HMG20A: variants seen among roughly 807,000 people sequenced by gnomAD.
HMG20A encodes high mobility group protein 20A.
Under a neutral mutation model 43.9 loss-of-function variants are expected in HMG20A, and 17 were observed. That is an observed-to-expected ratio of 0.39 (90% CI 0.27 to 0.58). HMG20A has a LOEUF of 0.58. HMG20A is among the 20% of genes least tolerant of loss of function. The probability of loss-of-function intolerance (pLI) is 0.59; values close to 1 mark genes in which losing one functional copy is unlikely to be tolerated. For missense variants in HMG20A, 341 were observed against 438.2 expected (o/e 0.78, Z 1.98); for synonymous variants, 132 against 147.5 (o/e 0.89, Z 0.76).
intron 1 of HMG20A, among the ~76,000 whole-genome samples, chr15:77,425,935 G>C (rs754803218): frequency 2.0e-5 from 3 of 152,142 alleles, no homozygotes; most frequent in African/African-American, 7.2e-5. Flanking sequence ...ATATTATTCA[G>C]CAACAAAGAG....
At chr15:77,477,483 A>G (rs1378337932) in intron 6 of HMG20A, 72 bp from the exon 7 acceptor site, 11 of 1,054,016 alleles carry the variant, frequency 1.0e-5, no homozygotes, top group South Asian at 1.4e-5. Flanking sequence ...AGACATGATC[A>G]TTGTCTTCAG....
chr15:77,471,227 A>G (rs760848450), intron 5 of HMG20A, among the ~76,000 whole-genome samples, 185 bp downstream of exon 5: 6 of 152,112 alleles, frequency 3.9e-5, no homozygotes, highest in African/African-American at 4.8e-5. Flanking sequence ...AGAAATTTCA[A>G]CTGGGTTTCC....
chr15:77,422,473 G>C (rs1359521617), intron 1 of HMG20A, among the ~76,000 whole-genome samples: 1 of 152,096 alleles, frequency 6.6e-6, no homozygotes, highest in Non-Finnish European at 1.5e-5. Flanking sequence ...AAAATTAGCT[G>C]GGCGTGGTGG....
At position 77,424,992 on chromosome 15, in the gene HMG20A, A is replaced by ATT. The variant is rs76407319; in HGVS notation, c.-5+3996_-5+3997dup. Among the ~76,000 whole-genome samples the ATT allele has an allele frequency of 1.1e-4, 17 of 151,150 alleles. No homozygotes were observed. In the East Asian group the frequency reaches 2.5e-3, roughly 22 times the overall value. On this transcript the variant is annotated intron_variant, in intron 1 of 9. Coordinates refer to ENST00000336216, the MANE Select transcript of HMG20A (RefSeq NM_001304504.2). ...AATCTGTACTGCACCCAGCATTAAT[A>ATT]TTTTTTTTTGCTCATGCTATTTTCT...
chr15:77,516,684 C>A, the HMG20A span, among the ~76,000 whole-genome samples: 1 of 152,058 alleles, frequency 6.6e-6, no homozygotes, highest in African/African-American at 2.4e-5. Flanking sequence ...CTGAACTCCA[C>A]CCCGAGGCTT....
At chr15:77,512,379 T>C in the HMG20A span, among the ~76,000 whole-genome samples, 1 of 152,044 alleles carries the variant, frequency 6.6e-6, no homozygotes, top group Non-Finnish European at 1.5e-5. Flanking sequence ...AATGGTACAC[T>C]AAAGCTGTTA....
chr15:77,441,762 C>T (rs2073615445), intron 1 of HMG20A, among the ~76,000 whole-genome samples: 1 of 152,102 alleles, frequency 6.6e-6, no homozygotes, highest in Non-Finnish European at 1.5e-5. Flanking sequence ...TCATAGCTCA[C>T]ATTACTACAT....
At chr15:77,497,655 T>TAGAGAGAGAGAGAGAGAG in the HMG20A span, among the ~76,000 whole-genome samples, 36 of 128,020 alleles carry the variant, frequency 2.8e-4, no homozygotes, top group African/African-American at 1.2e-3. Flanking sequence ...GAGATATTAA[T>TAGAGAGAGAGAGAGAGAG]AGAGAGAGAG....
Position 77,435,617 on chromosome 15 carries a change from C to T in HMG20A, c.-5+14613C>T, listed in dbSNP as rs575312293. On this transcript the variant is annotated intron_variant, in intron 1 of 9. Transcript: ENST00000336216. ...CCATTTGTTTTGTACTTTAAGTTTA[C>T]TTAAACCCTCCACTCCCTCAATGAC... 2.0e-4 allele frequency among the ~76,000 whole-genome samples: 30 copies of T among 152,240 alleles called. No homozygotes were observed. In the East Asian group the frequency reaches 3.5e-3, roughly 18 times the overall value.
the HMG20A span, among the ~76,000 whole-genome samples, chr15:77,514,786 G>A: frequency 2.6e-5 from 4 of 152,238 alleles, no homozygotes; most frequent in African/African-American, 4.8e-5. Context: ...TACAGAGGGC[G>A]CAGCAGCTTA....
chr15:77,487,979 A>G (rs999432444), downstream of HMG20A, among the ~76,000 whole-genome samples: 5 of 152,236 alleles, frequency 3.3e-5, no homozygotes, highest in Non-Finnish European at 7.3e-5. Context: ...TCACAAGACT[A>G]TGTGTCTACA....
chr15:77,495,630 A>AT, the HMG20A span, among the ~76,000 whole-genome samples: 139 of 152,332 alleles, frequency 9.1e-4, no homozygotes, highest in African/African-American at 3.2e-3. Flanking sequence ...GGAGTTAGAT[A>AT]GAGTGTCCCA....
chr15:77,488,173 T>A (rs1212951639), downstream of HMG20A, among the ~76,000 whole-genome samples: 1 of 152,228 alleles, frequency 6.6e-6, no homozygotes, highest in African/African-American at 2.4e-5. Flanking sequence ...ATGTCTTATA[T>A]GTTTATGTGG....
chr15:77,483,095 C>T lies in HMG20A; in HGVS notation c.*132C>T, dbSNP rs930302590. The T allele has an allele frequency of 1.3e-5, 2 of 152,110 alleles. No individual in the cohort carries two copies. Among genetic ancestry groups the T allele is most frequent in the Non-Finnish European group, 2.9e-5 (2 of 68,032 alleles). 9.4% of individuals were successfully genotyped at this position (152,110 alleles called of 1,614,324 possible). A position where few individuals can be genotyped will look rare whatever the true frequency, so the allele number is the denominator to read the frequency against. ...ATCCCTTTGCTTGTGAAAGAATTAT[C>T]AGTGAGTGAAAGGCCATCACCCCAG... On this transcript the variant is annotated 3_prime_UTR_variant, in exon 10 of 10. Transcript: ENST00000336216.
the HMG20A span, among the ~76,000 whole-genome samples, chr15:77,507,278 G>T: frequency 1.6e-4 from 25 of 152,148 alleles, no homozygotes; most frequent in Non-Finnish European, 3.2e-4. Context: ...AGGGCTCTGA[G>T]TAATACAGGC....
downstream of HMG20A, among the ~76,000 whole-genome samples, chr15:77,485,931 A>AAAAAAAT (rs1298914722): frequency 6.6e-6 from 1 of 152,248 alleles, no homozygotes; most frequent in Non-Finnish European, 1.5e-5. Context: ...ACTCCGTCTC[A>AAAAAAAT]AAAAAATAAA....
chr15:77,514,665 A>T, the HMG20A span, among the ~76,000 whole-genome samples: 1 of 152,142 alleles, frequency 6.6e-6, no homozygotes. Context: ...CTGATACTAG[A>T]CCTTTGTGGA....
the HMG20A span, among the ~76,000 whole-genome samples, chr15:77,492,280 C>T: frequency 2.0e-5 from 3 of 152,088 alleles, no homozygotes; most frequent in African/African-American, 7.2e-5. Context: ...TCTGCAATGT[C>T]TATAATATAG....
intron 9 of HMG20A, among the ~76,000 whole-genome samples, chr15:77,480,648 C>T (rs974561553): frequency 4.1e-5 from 6 of 146,230 alleles, no homozygotes; most frequent in African/African-American, 7.5e-5. Flanking sequence ...ATAAAATTCT[C>T]AATAAGCAAA....
Sources: gnomAD v4.1 joint callset for allele counts (sites outside exome capture counted in the v4.1 genomes callset) on GRCh38, gnomAD v4.1.1 for gene constraint, MANE v1.5 for transcripts, NCBI Gene and HGNC (gene_info 2026-07-23, HGNC 2026-07-21) for gene names.